Variants in HECTD4 observed in about 807,000 individuals in gnomAD.
HECTD4 encodes probable E3 ubiquitin-protein ligase HECTD4.
Under a neutral mutation model 471.5 loss-of-function variants are expected in HECTD4, and 114 were observed. The ratio of observed to expected loss-of-function variants is 0.24; its 90% confidence interval spans 0.21 to 0.28. The LOEUF is 0.28. HECTD4 is among the 10% of genes least tolerant of loss of function. HECTD4 has a pLI of 1.00. For missense variants in HECTD4, 3,866 were observed against 5,651.5 expected, an observed-to-expected ratio of 0.68 and a Z score of 10.13; for synonymous variants, 2,012 against 2,256.0, an observed-to-expected ratio of 0.89 and a Z score of 3.07.
chr12:112,291,154 T>C (rs1187162637), intron 7 of HECTD4, among the ~76,000 whole-genome samples: 1 of 152,122 alleles, frequency 6.6e-6, no homozygotes, highest in Non-Finnish European at 1.5e-5. Context: ...AAAAGAAACA[T>C]GTAAAAAATG....
rs2031297500 is a variant in HECTD4 at position 112,173,153 on chromosome 12, G to A, written c.11595-292C>T. Among the ~76,000 whole-genome samples, 1 of 152,162 alleles carries A rather than the reference G, an allele frequency of 6.6e-6. No individual in the cohort carries two copies. Among genetic ancestry groups the A allele is most frequent in the Non-Finnish European group, 1.5e-5 (1 of 68,028 alleles). Reference sequence around the variant, plus strand: ...GTCGGCAGCAGCACGTGAGGGTGAAGGAGGAGCTCCTAATAGCATCAGCCT... The same window carrying A: ...GTCGGCAGCAGCACGTGAGGGTGAAAGAGGAGCTCCTAATAGCATCAGCCT... On this transcript the variant is annotated intron_variant, in intron 66 of 75. Coordinates refer to ENST00000682272, the MANE Select transcript of HECTD4 (RefSeq NM_001388303.1). The surrounding 1 kb of genome is among the most constrained non-coding windows in gnomAD (Gnocchi z 4.3).
chr12:112,194,953 G>C lies in HECTD4; in HGVS notation c.8681C>G (p.Ala2894Gly). Residue 2894 changes from alanine to glycine, a missense_variant, in exon 56 of 76, where the codon GCC becomes GGC. Physicochemically the swap from Ala to Gly is moderately conservative, Grantham distance 60 (BLOSUM62 0). This residue lies in a region of HECTD4 where 266 missense variants were observed against 441.6 expected (regional missense o/e 0.60). Coordinates refer to ENST00000682272, the MANE Select transcript of HECTD4 (RefSeq NM_001388303.1). The surrounding 1 kb of genome is among the most constrained non-coding windows in gnomAD (Gnocchi z 4.6). Reference protein sequence around the residue: ...HLFTRLFHIPAIRDITLEHLQ... With the variant: ...HLFTRLFHIPGIRDITLEHLQ... ...GTGCTCCAGGGTAATGTCCCGGATGGCAGGGATGTGGAAGAGGCGAGTGAA... is the reference window on the plus strand; with the variant it reads ...GTGCTCCAGGGTAATGTCCCGGATGCCAGGGATGTGGAAGAGGCGAGTGAA... The C allele has an allele frequency of 6.2e-7, 1 of 1,610,792 alleles. No homozygotes were observed. Among genetic ancestry groups the C allele is most frequent in the Non-Finnish European group, 8.5e-7 (1 of 1,178,610 alleles).
intron 52 of HECTD4, among the ~76,000 whole-genome samples, chr12:112,206,376 TC>T (rs2032581356): frequency 6.6e-6 from 1 of 151,990 alleles, no homozygotes. Flanking sequence ...GTGCCTGTAG[TC>T]CCAGGTACTC....
intron 12 of HECTD4, 65 bp downstream of exon 12, chr12:112,270,162 G>T: frequency 1.4e-6 from 2 of 1,409,952 alleles, no homozygotes; most frequent in Non-Finnish European, 9.9e-7. Flanking sequence ...AAATGAACTG[G>T]CTGAAGCCAA....
intron 44 of HECTD4, among the ~76,000 whole-genome samples, chr12:112,220,505 A>G (rs2033056581): frequency 6.6e-6 from 1 of 152,080 alleles, no homozygotes; most frequent in African/African-American, 2.4e-5. Context: ...ATTAAGTTAG[A>G]TCTTAAGAAA....
At position 112,235,292 on chromosome 12, in the gene HECTD4, C is replaced by G. The variant is rs570990019; in HGVS notation, c.5726-26G>C. 5.0e-6 allele frequency: 8 copies of G among 1,595,192 alleles called. No individual in the cohort carries two copies. The highest frequency in any genetic ancestry group is 6.8e-6 in the Non-Finnish European group (8 of 1,171,454). ...CTTTAAGCAAAAAACAAAGCTCATT[C>G]AGGAAAACTGCAGTGTTGTTTTGGC... is the stretch of plus-strand genomic sequence containing the variant. On this transcript the variant is annotated intron_variant, in intron 36 of 75. Coordinates refer to ENST00000682272, the MANE Select transcript of HECTD4 (RefSeq NM_001388303.1). This position sits in a 1 kb window ranked among gnomAD's most constrained non-coding sequence, Gnocchi z 5.0.
At chr12:112,278,641 C>T (rs1442057427) in intron 9 of HECTD4, among the ~76,000 whole-genome samples, 3 of 152,104 alleles carry the variant, frequency 2.0e-5, no homozygotes, top group Non-Finnish European at 4.4e-5. Flanking sequence ...GCCTGTAATC[C>T]CAGCACTTTG....
chr12:112,297,376 G>A (rs534657930), intron 7 of HECTD4, among the ~76,000 whole-genome samples: 1 of 151,692 alleles, frequency 6.6e-6, no homozygotes, highest in African/African-American at 2.4e-5. Flanking sequence ...TTCAGTGGAT[G>A]TAGGTGCAGA....
chr12:112,250,557 G>A (rs745356249), intron 24 of HECTD4, among the ~76,000 whole-genome samples, 180 bp from the exon 25 acceptor site: 63 of 152,178 alleles, frequency 4.1e-4, no homozygotes, highest in Non-Finnish European at 7.5e-4. Context: ...CATCTTTGGG[G>A]ATCTAGCTCC....
At position 112,264,171 on chromosome 12, in the gene HECTD4, A is replaced by C; in HGVS notation, c.2661T>G (p.Asn887Lys). ...SCLRYLMAVQ[N>K]HLLSNTILIK... The stretch of plus-strand genomic sequence containing the variant: ...TCAAAATAGTGTTACTGAGAAGGTG[A>C]TTCTGAACTGCCATCAGATAGCGCA... Residue 887 changes from asparagine (N) to lysine (K), a missense_variant, in exon 17 of 76, where the codon AAT becomes AAG. Coordinates refer to ENST00000682272, the MANE Select transcript of HECTD4 (RefSeq NM_001388303.1). 1 of 1,606,326 alleles carries C rather than the reference A, an allele frequency of 6.2e-7. No individual in the cohort carries two copies.
chr12:112,271,250 A>G (rs1253897937), intron 11 of HECTD4, among the ~76,000 whole-genome samples: 1 of 152,192 alleles, frequency 6.6e-6, no homozygotes, highest in Non-Finnish European at 1.5e-5. Context: ...ACATTTGTCT[A>G]CATGAACTGG....
chr12:112,311,118 C>T (rs887452455), intron 4 of HECTD4, among the ~76,000 whole-genome samples: 4 of 151,932 alleles, frequency 2.6e-5, no homozygotes, highest in African/African-American at 7.3e-5. Context: ...AAAAATTAGC[C>T]GGGCATGGTG....
intron 60 of HECTD4, among the ~76,000 whole-genome samples, chr12:112,185,931 T>C (rs2031845120): frequency 6.6e-6 from 1 of 152,218 alleles, no homozygotes; most frequent in Non-Finnish European, 1.5e-5. Context: ...TAAACTCCTC[T>C]TTTAGTCCTG....
chr12:112,358,856 C>T (rs1360837211), intron 1 of HECTD4, among the ~76,000 whole-genome samples: 1 of 152,110 alleles, frequency 6.6e-6, no homozygotes. Context: ...TTACTCTCAA[C>T]AAACACACAT....
chr12:112,172,764 G>A lies in HECTD4; in HGVS notation c.11692C>T (p.Arg3898Cys), dbSNP rs748340822. 8.1e-6 allele frequency: 13 copies of A among 1,613,844 alleles called. No homozygotes were observed. The highest frequency in any genetic ancestry group is 5.5e-5 in the South Asian group (5 of 91,088). The part of the protein sequence containing the change: ...ALVQYINQLC[R>C]HLAITPARLH... ...CGTGCGGGTGTGATGGCGAGGTGGC[G>A]GCATAGCTGGTTGATGTACTGCACA... The change falls in exon 67 of 76, where the codon CGC (arginine) becomes TGC (cysteine). Residue 3898 changes from arginine to cysteine, a missense_variant. By Grantham distance (180) the Arg-to-Cys change is radical (BLOSUM62 -3). Around this residue, in one of 16 missense-constraint regions of HECTD4, gnomAD observed 715 missense variants for 1,087.6 expected, o/e 0.66. Coordinates refer to ENST00000682272, the MANE Select transcript of HECTD4 (RefSeq NM_001388303.1).
intron 7 of HECTD4, among the ~76,000 whole-genome samples, chr12:112,295,801 T>TA (rs764102820): frequency 4.4e-4 from 63 of 144,096 alleles, no homozygotes; most frequent in African/African-American, 1.5e-3. Flanking sequence ...ACCATTAAAT[T>TA]AAAAAAAAAA....
Position 112,213,426 on chromosome 12 carries a change from C to A in HECTD4, c.7466-776G>T, listed in dbSNP as rs897168405. ...TTTAGGCCGGGCACAGTGGCTCAAG[C>A]CTGTAATCCCAGCACTTTGGGAGGC... is the stretch of plus-strand genomic sequence containing the variant. On this transcript the variant is annotated intron_variant, in intron 48 of 75. Transcript: ENST00000682272. The surrounding 1 kb of genome is among the most constrained non-coding windows in gnomAD (Gnocchi z 4.0). 4.6e-5 allele frequency among the ~76,000 whole-genome samples: 7 copies of A among 151,950 alleles called. No individual in the cohort carries two copies. Among genetic ancestry groups the A allele is most frequent in the Non-Finnish European group, 5.9e-5 (4 of 68,002 alleles).
chr12:112,258,701 C>T, intron 19 of HECTD4, 105 bp from the exon 20 acceptor site: 2 of 818,210 alleles, frequency 2.4e-6, no homozygotes, highest in South Asian at 1.9e-5. Flanking sequence ...TTTTACAATC[C>T]TAGTCTGCTC....
chr12:112,184,409 G>T lies in HECTD4; in HGVS notation c.10557C>A (p.Pro3519=). 2 of 1,606,830 alleles carry T rather than the reference G, an allele frequency of 1.2e-6. No homozygotes were observed. The highest frequency in any genetic ancestry group is 2.2e-5 in the East Asian group (1 of 44,752). Residue 3519 remains proline, a synonymous_variant, in exon 61 of 76, where the codon CCC becomes CCA. Coordinates refer to ENST00000682272, the MANE Select transcript of HECTD4 (RefSeq NM_001388303.1). This position sits in a 1 kb window ranked among gnomAD's most constrained non-coding sequence, Gnocchi z 9.1. ...VDPLPAGLEL[P]IPPGLLEPHA... ...GGGGCTCCAACAGGCCCGGAGGGAT[G>T]GGCAGCTCGAGGCCGGCAGGCAGCG...
Sources: allele counts gnomAD v4.1 joint callset (sites outside exome capture counted in the v4.1 genomes callset), GRCh38; gene constraint gnomAD v4.1.1; regional missense constraint gnomAD v4.1.1; non-coding constraint Gnocchi (gnomAD v3.1); transcripts MANE v1.5; gene names NCBI Gene and HGNC (gene_info 2026-07-23, HGNC 2026-07-21).